LRRC4C: variants seen among roughly 807,000 people sequenced by gnomAD.
The protein encoded by LRRC4C is leucine-rich repeat-containing protein 4C.
LRRC4C carries 5 observed loss-of-function variants against 33.6 expected under a neutral mutation model. The ratio of observed to expected loss-of-function variants is 0.15; its 90% CI spans 0.08 to 0.31. The LOEUF is 0.31. Ranked by LOEUF, LRRC4C falls within the 10% of genes least tolerant of loss-of-function variation. The probability of loss-of-function intolerance (pLI) is 1.00; values close to 1 mark genes in which losing one functional copy is unlikely to be tolerated. For synonymous variants in LRRC4C, 329 were observed against 302.0 expected, an observed-to-expected ratio of 1.09 and a Z score of -0.93; for missense variants, 560 against 796.7, an observed-to-expected ratio of 0.70 and a Z score of 3.58.
chr11:41,254,552 T>G (rs1028188092), intron 1 of LRRC4C, among the ~76,000 whole-genome samples: 7 of 152,080 alleles, frequency 4.6e-5, no homozygotes, highest in Non-Finnish European at 8.8e-5. Context: ...AGTCACATTT[T>G]ATGAGTTGTG....
rs75040089 is a variant in LRRC4C, at chr11:41,097,812, A to G, written c.-495-164089T>C. Among the ~76,000 whole-genome samples, 544 of 152,208 alleles carry G rather than the reference A, an allele frequency of 3.6e-3. 5 individuals are homozygous for G. The highest frequency in any genetic ancestry group is 0.012 in the African/African-American group (514 of 41,534). On this transcript the variant is annotated intron_variant, in intron 1 of 6. Coordinates refer to ENST00000528697, the MANE Select transcript of LRRC4C (RefSeq NM_001258419.2). ...ACAAAGGACTTATTTCCTAAATCAC[A>G]CCAAGACCACTGTACGTACCAGCAG... is the stretch of plus-strand genomic sequence containing the variant.
intron 3 of LRRC4C, among the ~76,000 whole-genome samples, chr11:40,463,023 C>T (rs186230376): frequency 2.6e-4 from 40 of 152,116 alleles, no homozygotes; most frequent in Non-Finnish European, 4.6e-4. Flanking sequence ...ACAAGTCCTA[C>T]GATTCATTCT....
At chr11:40,513,292 T>C (rs1298660764) in intron 3 of LRRC4C, among the ~76,000 whole-genome samples, 2 of 147,130 alleles carry the variant, frequency 1.4e-5, no homozygotes, top group Admixed American at 1.3e-4. Context: ...AAAAATCCAC[T>C]CTAACAATTC....
intron 5 of LRRC4C, among the ~76,000 whole-genome samples, chr11:40,181,369 G>T (rs1388243672): frequency 3.3e-5 from 5 of 152,172 alleles, no homozygotes; most frequent in African/African-American, 4.8e-5. Flanking sequence ...TGAGTATGAA[G>T]TTAAAACTGT....
intron 1 of LRRC4C, among the ~76,000 whole-genome samples, chr11:40,994,102 AT>A (rs1160066413): frequency 6.7e-6 from 1 of 149,672 alleles, no homozygotes; most frequent in Non-Finnish European, 1.5e-5. Flanking sequence ...GTGTTACTCA[AT>A]TTTTTTGAAA....
At chr11:40,330,745 A>C (rs1257159971) in intron 3 of LRRC4C, among the ~76,000 whole-genome samples, 4 of 152,118 alleles carry the variant, frequency 2.6e-5, no homozygotes, top group Admixed American at 2.6e-4. Flanking sequence ...AACCAACCCC[A>C]TGATTCAGTT....
chr11:40,523,197 A>G (rs1394473379), intron 3 of LRRC4C, among the ~76,000 whole-genome samples: 7 of 152,108 alleles, frequency 4.6e-5, no homozygotes, highest in African/African-American at 7.2e-5. Context: ...ACATCCTCAC[A>G]TTTATTTTCT....
At chr11:40,653,734 T>C (rs553923171) in intron 2 of LRRC4C, among the ~76,000 whole-genome samples, 1 of 152,178 alleles carries the variant, frequency 6.6e-6, no homozygotes, top group African/African-American at 2.4e-5. Context: ...GAAATTTGCA[T>C]AAGTAATGAG....
intron 3 of LRRC4C, among the ~76,000 whole-genome samples, chr11:40,384,226 A>G (rs1324494777): frequency 6.6e-6 from 1 of 152,044 alleles, no homozygotes; most frequent in Non-Finnish European, 1.5e-5. Context: ...TTTGCTTTAT[A>G]GTGGTGATGG....
intron 3 of LRRC4C, among the ~76,000 whole-genome samples, chr11:40,514,716 C>G (rs1955492652): frequency 6.6e-6 from 1 of 151,792 alleles, no homozygotes. Flanking sequence ...GTAGTTCTCT[C>G]TCTCCTCCCC....
intron 2 of LRRC4C, among the ~76,000 whole-genome samples, chr11:40,891,212 G>A (rs557375746): frequency 5.9e-5 from 9 of 152,176 alleles, no homozygotes; most frequent in African/African-American, 2.2e-4. Flanking sequence ...ACTCCAGCCT[G>A]GGCAACAAGA....
chr11:41,048,107 C>T (rs1857911563), intron 1 of LRRC4C, among the ~76,000 whole-genome samples: 1 of 152,000 alleles, frequency 6.6e-6, no homozygotes, highest in Admixed American at 6.6e-5. Context: ...TTTACCTTTT[C>T]TTTTTAAGAG....
chr11:41,431,824 A>G lies in LRRC4C; in HGVS notation c.-496+27607T>C, dbSNP rs148630587. Among the ~76,000 whole-genome samples the G allele has an allele frequency of 7.0e-4, 107 of 152,274 alleles. 1 individual carries two copies. The highest frequency in any genetic ancestry group is 2.2e-3 in the African/African-American group (92 of 41,568). On this transcript the variant is annotated intron_variant, in intron 1 of 6. Coordinates refer to ENST00000528697, the MANE Select transcript of LRRC4C (RefSeq NM_001258419.2). ...TGTTTATTTAAGAGCATTCCATTAT[A>G]ATGCCAATAGGTATATGCGATTTAG...
intron 3 of LRRC4C, among the ~76,000 whole-genome samples, chr11:40,548,108 T>C (rs11035914): frequency 0.024 from 3,718 of 152,090 alleles, 64 homozygotes; most frequent in South Asian, 0.034. Context: ...GGTTGGGGAA[T>C]TGAGGTGTGT....
At chr11:40,444,696 C>T (rs1951552149) in intron 3 of LRRC4C, among the ~76,000 whole-genome samples, 1 of 152,044 alleles carries the variant, frequency 6.6e-6, no homozygotes, top group South Asian at 2.1e-4. Flanking sequence ...CAGTGTTTTT[C>T]TGTTTTGTTT....
chr11:40,319,498 A>G (rs2136836489), intron 4 of LRRC4C, 130 bp downstream of exon 4: 1 of 152,346 alleles, frequency 6.6e-6, no homozygotes, highest in Non-Finnish European at 1.5e-5. Flanking sequence ...TAACTGCATC[A>G]TTAATAAAAG....
intron 5 of LRRC4C, among the ~76,000 whole-genome samples, chr11:40,205,930 T>G (rs2135771656): frequency 6.6e-6 from 1 of 152,344 alleles, no homozygotes; most frequent in African/African-American, 2.4e-5. Flanking sequence ...TGCTCCTTTT[T>G]CACAGCTCCC....
intron 3 of LRRC4C, among the ~76,000 whole-genome samples, chr11:40,556,310 A>G (rs1179978455): frequency 6.6e-6 from 1 of 152,226 alleles, no homozygotes; most frequent in Non-Finnish European, 1.5e-5. Context: ...TAGCTTTCCT[A>G]CCAAGTTCTG....
At chr11:40,638,974 A>G (rs1941946291) in intron 3 of LRRC4C, among the ~76,000 whole-genome samples, 1 of 152,078 alleles carries the variant, frequency 6.6e-6, no homozygotes, top group Admixed American at 6.5e-5. Flanking sequence ...CAGGCTTAAC[A>G]GCTCCGAGGC....
Sources: gnomAD v4.1 joint callset for allele counts (sites outside exome capture counted in the v4.1 genomes callset) on GRCh38, gnomAD v4.1.1 for gene constraint, MANE v1.5 for transcripts, NCBI Gene and HGNC (gene_info 2026-07-23, HGNC 2026-07-21) for gene names.